Variants in SUPT6H observed in about 807,000 individuals in gnomAD.
SUPT6H encodes the protein transcription elongation factor SPT6.
In SUPT6H, 11 loss-of-function variants were observed where a neutral mutation model predicts 222.3. The observed-to-expected ratio is 0.05, with a 90% CI of 0.03 to 0.08. The LOEUF (loss-of-function observed/expected upper bound fraction) is 0.08, where lower values mean the gene tolerates loss of function less well. SUPT6H is among the 10% of genes least tolerant of loss of function. SUPT6H has a pLI of 1.00. For missense variants in SUPT6H, 1,422 were observed against 2,216.0 expected (o/e 0.64, Z 7.19); for synonymous variants, 762 against 801.2 (o/e 0.95, Z 0.83).
chr17:28,674,169 AC>A, intron 2 of SUPT6H, 113 bp from the exon 3 acceptor site: 1 of 1,309,672 alleles, frequency 7.6e-7, no homozygotes. Flanking sequence ...AGAAGAGTTA[AC>A]ATGGCACCCA....
chr17:28,691,371 C>A (rs528548816), intron 27 of SUPT6H: 1 of 272,578 alleles, frequency 3.7e-6, no homozygotes, highest in South Asian at 5.1e-5. Context: ...ACTAAAAATA[C>A]AAAAATTAGC....
intron 1 of SUPT6H, 72 bp from the exon 2 acceptor site, chr17:28,673,299 G>A: frequency 1.2e-6 from 1 of 845,956 alleles, no homozygotes; most frequent in East Asian, 2.7e-5. Context: ...AAGGCTGTTT[G>A]TGGGAAGGTT....
chr17:28,692,308 C>T (rs1186297595), intron 27 of SUPT6H, among the ~76,000 whole-genome samples: 5 of 130,088 alleles, frequency 3.8e-5, no homozygotes, highest in African/African-American at 8.9e-5. Flanking sequence ...TGGGCGACAG[C>T]GAGACTCTGT....
At chr17:28,683,559 C>G (rs1406762052) in intron 16 of SUPT6H, 62 bp from the exon 17 acceptor site, 13 of 1,590,862 alleles carry the variant, frequency 8.2e-6, no homozygotes, top group Non-Finnish European at 1.1e-5. Flanking sequence ...TTAGAATGTT[C>G]ATGGACATTG....
intron 28 of SUPT6H, 102 bp from the exon 29 acceptor site, chr17:28,695,250 C>T (rs2031848291): frequency 7.9e-7 from 1 of 1,273,672 alleles, no homozygotes; most frequent in Non-Finnish European, 1.1e-6. Context: ...TCACTTTACA[C>T]CTTACACCTT....
intron 1 of SUPT6H, among the ~76,000 whole-genome samples, chr17:28,671,584 G>A (rs1173829863): frequency 1.3e-5 from 2 of 152,180 alleles, no homozygotes; most frequent in African/African-American, 4.8e-5. Flanking sequence ...TGTTTTTTAA[G>A]TCCTACTCAA....
intron 1 of SUPT6H, among the ~76,000 whole-genome samples, chr17:28,667,067 A>G (rs1567682900): frequency 1.3e-5 from 2 of 152,006 alleles, no homozygotes; most frequent in East Asian, 3.9e-4. Context: ...ATACCTTTGG[A>G]ATAGTCCTAG....
At chr17:28,695,589 G>A (rs369054696) in intron 29 of SUPT6H, 42 bp downstream of exon 29, 22 of 1,581,252 alleles carry the variant, frequency 1.4e-5, no homozygotes, top group Non-Finnish European at 1.9e-5. Context: ...CTGCATCTTG[G>A]CAGTTCTCCC....
chr17:28,701,833 C>A lies in SUPT6H; in HGVS notation c.*208C>A. 1 of 560,730 alleles carries A rather than the reference C, an allele frequency of 1.8e-6. No homozygotes were observed. Among genetic ancestry groups the A allele is most frequent in the Non-Finnish European group, 3.1e-6 (1 of 320,224 alleles). The allele number at this position is 560,730 out of a possible 1,614,324, so 34.7% of individuals were successfully genotyped here. A position where few individuals can be genotyped will look rare whatever the true frequency, so the allele number is the denominator to read the frequency against. ...AGGCAACAATTCTCCCGCTCCAGAC[C>A]CTCACCGACCACCTGTCCTGGGACC... On this transcript the variant is annotated 3_prime_UTR_variant, in exon 37 of 37. Coordinates refer to ENST00000314616, the MANE Select transcript of SUPT6H (RefSeq NM_003170.5).
chr17:28,663,329 G>A (rs1337689750), intron 1 of SUPT6H, among the ~76,000 whole-genome samples: 1 of 152,126 alleles, frequency 6.6e-6, no homozygotes, highest in Non-Finnish European at 1.5e-5. Flanking sequence ...ACCAGTACAA[G>A]TACATTTTTA....
chr17:28,683,569 G>A (rs1278622102), intron 16 of SUPT6H, 52 bp from the exon 17 acceptor site: 2 of 1,593,216 alleles, frequency 1.3e-6, no homozygotes, highest in Admixed American at 1.7e-5. Context: ...CATGGACATT[G>A]GGTGTCACCT....
chr17:28,663,722 A>G (rs1206265200), intron 1 of SUPT6H, among the ~76,000 whole-genome samples: 1 of 151,534 alleles, frequency 6.6e-6, no homozygotes, highest in East Asian at 1.9e-4. Context: ...TACCATGCCA[A>G]TTTTTTAAAT....
intron 1 of SUPT6H, among the ~76,000 whole-genome samples, chr17:28,667,788 G>A (rs914681447): frequency 6.6e-6 from 1 of 151,164 alleles, no homozygotes; most frequent in African/African-American, 2.4e-5. Context: ...TTGTCATAAC[G>A]TTATTAACAA....
At chr17:28,678,662 G>A (rs757354129) in intron 10 of SUPT6H, 28 bp downstream of exon 10, 2 of 1,611,226 alleles carry the variant, frequency 1.2e-6, no homozygotes, top group African/African-American at 1.3e-5. Flanking sequence ...CCCCCAAGAG[G>A]TGTGGGCCAG....
At position 28,674,304 on chromosome 17, in the gene SUPT6H, A is replaced by G. The variant is rs1254852816; in HGVS notation, c.131A>G (p.Asn44Ser). 1 of 1,613,978 alleles carries G rather than the reference A, an allele frequency of 6.2e-7. No homozygotes were observed. The highest frequency in any genetic ancestry group is 2.2e-5 in the East Asian group (1 of 44,896). ...CCAGATGAGGAGGAGGAGGAGGAGA[A>G]CCTAGATGATCAGGATGAGCAAGGC... ...EDDDEEEEEENLDDQDEQGNL... is the reference protein window; with the variant it reads ...EDDDEEEEEESLDDQDEQGNL... Residue 44 changes from asparagine (N) to serine (S), a missense_variant, in exon 3 of 37, where the codon AAC becomes AGC. By Grantham distance (46) the Asn-to-Ser change is conservative. Transcript: ENST00000314616.
At chr17:28,676,899 C>T (rs1176389609) in intron 7 of SUPT6H, among the ~76,000 whole-genome samples, 1 of 151,862 alleles carries the variant, frequency 6.6e-6, no homozygotes, top group Non-Finnish European at 1.5e-5. Flanking sequence ...TGCACTGCAG[C>T]CTAGAAGCAG....
chr17:28,673,251 G>A (rs1235951333), intron 1 of SUPT6H, 120 bp from the exon 2 acceptor site: 1 of 601,614 alleles, frequency 1.7e-6, no homozygotes, highest in East Asian at 2.8e-5. Context: ...CTCCCCAAGT[G>A]GGAATGTTGA....
Position 28,701,009 on chromosome 17 carries a change from C to A in SUPT6H, c.4875C>A (p.Thr1625=). The A allele has an allele frequency of 6.2e-7, 1 of 1,614,192 alleles. No individual in the cohort carries two copies. ...PLMTPSYSYT[T]PSQPITTPQY... ...TGACCCCTAGCTACTCCTACACGAC[C>A]CCAAGCCAGCCCATCACCACCCCTC... Residue 1625 remains threonine (T), a synonymous_variant, in exon 36 of 37, where the codon ACC becomes ACA. Coordinates refer to ENST00000314616, the MANE Select transcript of SUPT6H (RefSeq NM_003170.5).
chr17:28,692,766 C>T lies in SUPT6H; in HGVS notation c.3634-930C>T, dbSNP rs967282235. On this transcript the variant is annotated intron_variant, in intron 27 of 36. Transcript: ENST00000314616. ...CCTATAATCCCAGCACTTTGGGAGG[C>T]CAAGGTAGGTGGATCACGAGGTCAG... 8.1e-5 allele frequency among the ~76,000 whole-genome samples: 12 copies of T among 147,754 alleles called. 2 individuals are homozygous for T. Among genetic ancestry groups the T allele is most frequent in the Non-Finnish European group, 1.2e-4 (8 of 66,966 alleles).
Sources: allele counts gnomAD v4.1 joint callset (sites outside exome capture counted in the v4.1 genomes callset), GRCh38; gene constraint gnomAD v4.1.1; transcripts MANE v1.5; gene names NCBI Gene and HGNC (gene_info 2026-07-23, HGNC 2026-07-21).